The following AGK variants were observed in gnomAD, a reference collection of about 807,000 sequenced individuals.
The protein encoded by AGK is acylglycerol kinase, mitochondrial.
Under a neutral mutation model 66.4 loss-of-function variants are expected in AGK, and 52 were observed. The ratio of observed to expected loss-of-function variants is 0.78; its 90% confidence interval spans 0.63 to 0.99. The LOEUF is 0.99. Ranked by LOEUF, AGK falls within the 50% of genes least tolerant of loss-of-function variation. The probability of loss-of-function intolerance (pLI) is 0.00; values close to 1 mark genes in which losing one functional copy is unlikely to be tolerated. For missense variants in AGK, 451 were observed against 506.6 expected, an observed-to-expected ratio of 0.89 and a Z score of 1.05; for synonymous variants, 182 against 181.1, an observed-to-expected ratio of 1.00 and a Z score of -0.04.
chr7:141,640,257 C>T (rs76758927), intron 11 of AGK, among the ~76,000 whole-genome samples: 4,170 of 152,174 alleles, frequency 0.027, 91 homozygotes, highest in Non-Finnish European at 0.039. Context: ...TGAAACAGCT[C>T]CTTCAGGGCA....
At chr7:141,624,433 C>G (rs1426475397) in intron 9 of AGK, among the ~76,000 whole-genome samples, 1 of 152,114 alleles carries the variant, frequency 6.6e-6, no homozygotes, top group Non-Finnish European at 1.5e-5. Flanking sequence ...CTTCTGGAAA[C>G]GATTCACCAT....
At chr7:141,561,317 C>G (rs1258631788) in intron 2 of AGK, among the ~76,000 whole-genome samples, 3 of 152,030 alleles carry the variant, frequency 2.0e-5, no homozygotes, top group African/African-American at 7.3e-5. Flanking sequence ...AATGGTAGTT[C>G]CGCTTTTAGT....
chr7:141,628,566 A>G (rs2116988036), intron 9 of AGK, among the ~76,000 whole-genome samples: 1 of 152,356 alleles, frequency 6.6e-6, no homozygotes, highest in Admixed American at 6.5e-5. Context: ...GATAAAAGAA[A>G]TAGTTCTTGG....
intron 14 of AGK, chr7:141,650,372 C>A (rs1332432623): frequency 4.0e-6 from 1 of 251,720 alleles, no homozygotes; most frequent in Admixed American, 6.5e-5. Flanking sequence ...ATACTGGTAT[C>A]CAGAAATAGA....
Position 141,622,200 on chromosome 7 carries a change from C to T in AGK, c.588+399C>T, listed in dbSNP as rs1042651825. On this transcript the variant is annotated intron_variant, in intron 9 of 15. Transcript: ENST00000649286. ...CTGCCTCCTGGGTTTAAGCAATTCT[C>T]CTGCCTCAGCCTCCCAAGTAGCTGA... 2.5e-4 allele frequency among the ~76,000 whole-genome samples: 38 copies of T among 151,966 alleles called. 1 individual carries two copies. The highest frequency in any genetic ancestry group is 4.4e-5 in the Non-Finnish European group (3 of 68,006).
In AGK at chr7:141,601,261, T is replaced by G; in HGVS notation, c.278T>G (p.Met93Arg). 1 of 1,612,964 alleles carries G rather than the reference T, an allele frequency of 6.2e-7. No homozygotes were observed. Among genetic ancestry groups the G allele is most frequent in the East Asian group, 2.2e-5 (1 of 44,826 alleles). Reference protein sequence around the residue: ...NAAPILHLSGMDVTIVKTDYE... With the variant: ...NAAPILHLSGRDVTIVKTDYE... ...GCCCCGATTTTACATTTATCTGGCATGGATGTGACTATTGTTAAGGTAAGA... is the reference window on the plus strand; with the variant it reads ...GCCCCGATTTTACATTTATCTGGCAGGGATGTGACTATTGTTAAGGTAAGA... The change falls in exon 5 of 16, where the codon ATG becomes AGG. Residue 93 changes from methionine to arginine, a missense_variant. Physicochemically the swap from Met to Arg is moderately conservative, Grantham distance 91. Transcript: ENST00000649286.
intron 9 of AGK, among the ~76,000 whole-genome samples, chr7:141,626,963 TTAGTGGTACAGGGTCA>T (rs1184762527): frequency 1.3e-5 from 2 of 152,184 alleles, no homozygotes; most frequent in East Asian, 3.9e-4. Context: ...GATGAAATAT[TTAGTGGTACAGGGTCA>T]TGAAGTCTGC....
chr7:141,578,772 G>C (rs1471000258), intron 2 of AGK, among the ~76,000 whole-genome samples: 12 of 151,876 alleles, frequency 7.9e-5, no homozygotes, highest in Admixed American at 6.6e-4. Flanking sequence ...GAAGACACAA[G>C]GTCCGAATAA....
chr7:141,645,591 A>G (rs749908528), intron 13 of AGK, among the ~76,000 whole-genome samples: 3 of 152,322 alleles, frequency 2.0e-5, no homozygotes, highest in Non-Finnish European at 2.9e-5. Context: ...CAGTAACAGG[A>G]GTCCCCATCG....
chr7:141,633,635 A>C lies in AGK; in HGVS notation c.589-266A>C, dbSNP rs111512932. Among the ~76,000 whole-genome samples the C allele has an allele frequency of 0.02, 3,020 of 152,308 alleles. 114 individuals are homozygous for C. The highest frequency in any genetic ancestry group is 0.068 in the African/African-American group (2,837 of 41,556). On this transcript the variant is annotated intron_variant, in intron 9 of 15. Transcript: ENST00000649286. ...GAGGTAACATAGTTAGGTACTCTCAAATTTACAGTCCAAAGTATGACAGTA... is the reference window on the plus strand; with the variant it reads ...GAGGTAACATAGTTAGGTACTCTCACATTTACAGTCCAAAGTATGACAGTA...
intron 4 of AGK, chr7:141,599,453 T>C (rs1796296735): frequency 6.6e-6 from 1 of 152,116 alleles, no homozygotes; most frequent in Non-Finnish European, 1.5e-5. Flanking sequence ...ATATAGAAAA[T>C]TAGAAGGAAA....
At chr7:141,609,114 C>G (rs924341492) in intron 5 of AGK, among the ~76,000 whole-genome samples, 1 of 152,126 alleles carries the variant, frequency 6.6e-6, no homozygotes, top group Non-Finnish European at 1.5e-5. Context: ...AGGAGTCTTC[C>G]TTTTTCCTCT....
intron 11 of AGK, 92 bp from the exon 12 acceptor site, chr7:141,641,156 A>T: frequency 8.3e-7 from 1 of 1,204,644 alleles, no homozygotes; most frequent in Non-Finnish European, 1.2e-6. Flanking sequence ...TCTAGCAGGT[A>T]TAGGTAGACA....
Position 141,654,087 on chromosome 7 carries a change from TAATC to T in AGK, c.*1165_*1168del, listed in dbSNP as rs1234473612. 6.6e-6 allele frequency: 1 copy of T among 152,226 alleles called. No individual in the cohort carries two copies. The highest frequency in any genetic ancestry group is 2.4e-5 in the African/African-American group (1 of 41,458). The allele number at this position is 152,226 out of a possible 1,614,324, so 9.4% of individuals were successfully genotyped here. ...GTAATCTATTATGCCCGACATCTTT[TAATC>T]ATTCACCCCATTACTTCTTGTCAAC... On this transcript the variant is annotated 3_prime_UTR_variant, in exon 16 of 16. Transcript: ENST00000649286.
intron 2 of AGK, among the ~76,000 whole-genome samples, chr7:141,558,027 C>A (rs1312017291): frequency 2.0e-5 from 3 of 152,198 alleles, no homozygotes; most frequent in African/African-American, 7.2e-5. Flanking sequence ...CTGTCCTTGA[C>A]AACCACTATT....
chr7:141,608,924 G>A (rs1286961347), intron 5 of AGK, among the ~76,000 whole-genome samples: 1 of 152,174 alleles, frequency 6.6e-6, no homozygotes, highest in Non-Finnish European at 1.5e-5. Flanking sequence ...TGAGAACACA[G>A]GCTAATTCCT....
intron 5 of AGK, among the ~76,000 whole-genome samples, chr7:141,605,285 G>A (rs1183820763): frequency 2.0e-5 from 3 of 152,068 alleles, no homozygotes; most frequent in Admixed American, 6.6e-5. Context: ...GGGAATCGTC[G>A]AGGAGTATGA....
intron 5 of AGK, among the ~76,000 whole-genome samples, chr7:141,602,172 CTTGT>C (rs1280493162): frequency 1.2e-3 from 88 of 73,492 alleles, no homozygotes; most frequent in African/African-American, 3.1e-3. Context: ...GGGAGATTTT[CTTGT>C]GTGTGTGTGT....
chr7:141,564,015 C>T (rs1795407991), intron 2 of AGK, among the ~76,000 whole-genome samples: 1 of 152,124 alleles, frequency 6.6e-6, no homozygotes, highest in South Asian at 2.1e-4. Flanking sequence ...GGCTGGAGTG[C>T]AGTGGTGTGA....
Sources: allele counts gnomAD v4.1 joint callset (sites outside exome capture counted in the v4.1 genomes callset), GRCh38; gene constraint gnomAD v4.1.1; transcripts MANE v1.5; gene names NCBI Gene and HGNC (gene_info 2026-07-23, HGNC 2026-07-21).